The following KIAA0319 variants were observed in gnomAD, a reference collection of about 807,000 sequenced individuals.
The protein encoded by KIAA0319 is dyslexia-associated protein KIAA0319.
KIAA0319 carries 83 observed loss-of-function variants against 108.4 expected under a neutral mutation model. The observed-to-expected ratio is 0.77, with a 90% CI of 0.64 to 0.92. The LOEUF (loss-of-function observed/expected upper bound fraction) is 0.92. Ranked by LOEUF, KIAA0319 falls within the 40% of genes least tolerant of loss-of-function variation. The pLI, the probability that KIAA0319 is intolerant of heterozygous loss-of-function variation, is 0.00. For missense variants in KIAA0319, 1,195 were observed against 1,322.4 expected (o/e 0.90, Z 1.49); for synonymous variants, 484 against 510.4 (o/e 0.95, Z 0.70).
chr6:24,608,520 T>C (rs1771769158), intron 1 of KIAA0319, among the ~76,000 whole-genome samples: 1 of 152,170 alleles, frequency 6.6e-6, no homozygotes, highest in Admixed American at 6.5e-5. Flanking sequence ...TAATGAAATA[T>C]ATTATTTTTA....
intron 1 of KIAA0319, among the ~76,000 whole-genome samples, chr6:24,602,404 G>A (rs948756554): frequency 2.5e-5 from 2 of 80,046 alleles, no homozygotes; most frequent in Admixed American, 1.1e-4. Flanking sequence ...ATGCCAGGCC[G>A]GAAGTGGATG....
chr6:24,627,672 G>C (rs1189529471), intron 1 of KIAA0319, among the ~76,000 whole-genome samples: 1 of 152,130 alleles, frequency 6.6e-6, no homozygotes, highest in Non-Finnish European at 1.5e-5. Flanking sequence ...CTGAAAACTG[G>C]AATTTACCTC....
At chr6:24,559,474 T>C (rs1305429177) in intron 16 of KIAA0319, among the ~76,000 whole-genome samples, 2 of 152,238 alleles carry the variant, frequency 1.3e-5, no homozygotes, top group East Asian at 1.9e-4. Flanking sequence ...AATGCATCTA[T>C]GTGCTGGGAT....
At chr6:24,637,369 C>T (rs920048675) in intron 1 of KIAA0319, among the ~76,000 whole-genome samples, 9 of 152,142 alleles carry the variant, frequency 5.9e-5, no homozygotes, top group East Asian at 1.9e-4. Flanking sequence ...AAAACAAGGG[C>T]GACTTTTCAA....
rs747342245 is a variant in KIAA0319 at position 24,596,288 on chromosome 6, A to T, written c.386T>A (p.Ile129Asn). 1.9e-6 allele frequency: 3 copies of T among 1,613,972 alleles called. No individual in the cohort carries two copies. The African/African-American group carries it at 4.0e-5, about 22-fold the overall frequency. The change falls in exon 3 of 21, where the codon ATC becomes AAC. Residue 129 changes from isoleucine (I) to asparagine (N), a missense_variant. Transcript: ENST00000378214. ...GATATCCTCAGGTGAGTCCCCCCAG[A>T]TCCCCGAGGGGGAGCCCCTGTTCAG... ...MMLNRGSPSG[I>N]WGDSPEDIRK... is the part of the protein sequence containing the mutation.
chr6:24,550,640 T>C (rs966422079), intron 20 of KIAA0319, among the ~76,000 whole-genome samples: 2 of 152,210 alleles, frequency 1.3e-5, no homozygotes, highest in Non-Finnish European at 2.9e-5. Flanking sequence ...ACGCAGCTGC[T>C]GAAAAATGTT....
At chr6:24,597,917 CAAAAAAAAAAA>C (rs540860751) in intron 2 of KIAA0319, 527 of 32,442 alleles carry the variant, frequency 0.016, 6 homozygotes, top group South Asian at 0.035. Context: ...GACCCTATCT[CAAAAAAAAAAA>C]AAAAAAAAAA....
chr6:24,596,912 C>T (rs1011969526), intron 2 of KIAA0319, among the ~76,000 whole-genome samples: 3 of 152,084 alleles, frequency 2.0e-5, no homozygotes, highest in African/African-American at 7.2e-5. Flanking sequence ...TCCATCCTTT[C>T]ACCCACATAC....
chr6:24,547,043 A>C lies in KIAA0319; in HGVS notation c.*122T>G. On this transcript the variant is annotated 3_prime_UTR_variant, in exon 21 of 21. Transcript: ENST00000378214. ...CCGGTCTTTTAGTACGTGGGGATAC[A>C]CATCTAACCCACTGGGGAAGAAGGT... The C allele has an allele frequency of 9.8e-7, 1 of 1,023,474 alleles. No individual in the cohort carries two copies. Among genetic ancestry groups the C allele is most frequent in the Non-Finnish European group, 1.5e-6 (1 of 688,342 alleles). 63.4% of individuals were successfully genotyped at this position (1,023,474 alleles called of 1,614,324 possible).
At chr6:24,566,148 G>A (rs534798929) in intron 14 of KIAA0319, among the ~76,000 whole-genome samples, 3 of 152,348 alleles carry the variant, frequency 2.0e-5, no homozygotes, top group African/African-American at 7.2e-5. Flanking sequence ...GGTCATTATA[G>A]AGACACTGCC....
At chr6:24,571,977 C>T (rs1286274573) in intron 11 of KIAA0319, among the ~76,000 whole-genome samples, 1 of 152,258 alleles carries the variant, frequency 6.6e-6, no homozygotes, top group Non-Finnish European at 1.5e-5. Context: ...TTTAATTCCA[C>T]ATCCCAGGGT....
At chr6:24,557,004 A>G (rs1762392743) in intron 17 of KIAA0319, among the ~76,000 whole-genome samples, 1 of 152,232 alleles carries the variant, frequency 6.6e-6, no homozygotes, top group African/African-American at 2.4e-5. Flanking sequence ...CAGGAGATCC[A>G]GACCATCCTG....
intron 8 of KIAA0319, among the ~76,000 whole-genome samples, chr6:24,579,009 T>C (rs1765954665): frequency 6.6e-6 from 1 of 152,224 alleles, no homozygotes; most frequent in Admixed American, 6.5e-5. Flanking sequence ...CATGTCAATG[T>C]GATCTCTGTA....
In KIAA0319 at chr6:24,582,665, A is replaced by T. The variant is rs568897070; in HGVS notation, c.1094-319T>A. ...TTTTTAAAATGTATAAAGTTAAAAA[A>T]AAAAAAACCTCCCTAACTTAACCAT... On this transcript the variant is annotated intron_variant, in intron 5 of 20. Coordinates refer to ENST00000378214, the MANE Select transcript of KIAA0319 (RefSeq NM_014809.4). Among the ~76,000 whole-genome samples the T allele has an allele frequency of 2.0e-5, 3 of 151,418 alleles. No individual in the cohort carries two copies. In the East Asian group the frequency reaches 5.8e-4, roughly 29 times the overall value.
chr6:24,611,174 CTTT>C (rs57550162), intron 1 of KIAA0319, among the ~76,000 whole-genome samples: 3 of 136,744 alleles, frequency 2.2e-5, no homozygotes, highest in Admixed American at 7.4e-5. Context: ...ACAGTTTTTG[CTTT>C]TTTTTTTTTT....
chr6:24,574,198 C>T (rs1257961444), intron 10 of KIAA0319, among the ~76,000 whole-genome samples: 1 of 152,004 alleles, frequency 6.6e-6, no homozygotes. Flanking sequence ...CTTAGGGAGG[C>T]CAAGGCGAGA....
At chr6:24,568,737 G>C in intron 13 of KIAA0319, 44 bp downstream of exon 13, 1 of 1,583,732 alleles carries the variant, frequency 6.3e-7, no homozygotes, top group East Asian at 2.3e-5. Context: ...CTGCAGACTC[G>C]AAAGCAGAGC....
intron 4 of KIAA0319, among the ~76,000 whole-genome samples, chr6:24,584,968 T>C (rs1767230648): frequency 1.3e-5 from 2 of 152,166 alleles, no homozygotes; most frequent in Admixed American, 1.3e-4. Flanking sequence ...ATTATCTTTC[T>C]CTCTATGGAA....
chr6:24,628,264 C>T (rs1774996505), intron 1 of KIAA0319, among the ~76,000 whole-genome samples: 1 of 152,080 alleles, frequency 6.6e-6, no homozygotes, highest in South Asian at 2.1e-4. Flanking sequence ...GTAATTTTCC[C>T]ACCTTTTTAA....
Sources: gnomAD v4.1 joint callset for allele counts (sites outside exome capture counted in the v4.1 genomes callset) on GRCh38, gnomAD v4.1.1 for gene constraint, MANE v1.5 for transcripts, NCBI Gene and HGNC (gene_info 2026-07-23, HGNC 2026-07-21) for gene names.